The following ALK variants were observed in gnomAD, a reference collection of about 807,000 sequenced individuals.
ALK encodes the protein ALK receptor tyrosine kinase.
ALK carries 74 observed loss-of-function variants against 163.1 expected under a neutral mutation model. The observed-to-expected ratio is 0.45, with a 90% CI of 0.38 to 0.55. The LOEUF is 0.55. ALK is among the 20% of genes least tolerant of loss of function. The pLI is 0.00. For missense variants in ALK, 2,063 were observed against 2,105.3 expected (o/e 0.98, Z 0.39); for synonymous variants, 960 against 843.2 (o/e 1.14, Z -2.40).
intron 3 of ALK, among the ~76,000 whole-genome samples, chr2:29,569,999 C>G (rs566206046): frequency 6.6e-6 from 1 of 152,186 alleles, no homozygotes; most frequent in Non-Finnish European, 1.5e-5. Context: ...GAAATGACCC[C>G]AGGCCTGAAG....
chr2:29,600,362 C>A (rs535423840), intron 3 of ALK, among the ~76,000 whole-genome samples: 1 of 151,858 alleles, frequency 6.6e-6, no homozygotes, highest in South Asian at 2.1e-4. Flanking sequence ...AGATAAAGGA[C>A]GTAATAACAT....
chr2:29,348,812 C>T (rs1668026885), intron 5 of ALK, among the ~76,000 whole-genome samples: 1 of 152,202 alleles, frequency 6.6e-6, no homozygotes, highest in South Asian at 2.1e-4. Context: ...AGGACGGACT[C>T]CTAATTCAAT....
intron 1 of ALK, among the ~76,000 whole-genome samples, chr2:29,823,558 G>A (rs918435976): frequency 2.0e-5 from 3 of 152,212 alleles, no homozygotes; most frequent in East Asian, 1.9e-4. Flanking sequence ...AGATGGAGAT[G>A]AGGAACTTGT....
chr2:29,432,019 TC>T (rs1670284509), intron 4 of ALK, among the ~76,000 whole-genome samples: 1 of 151,860 alleles, frequency 6.6e-6, no homozygotes, highest in Non-Finnish European at 1.5e-5. Context: ...AGGGAGTGTA[TC>T]CTAGCACAGA....
chr2:29,251,061 G>A (rs369212318), intron 12 of ALK, 44 bp downstream of exon 12: 27 of 1,600,910 alleles, frequency 1.7e-5, no homozygotes, highest in Admixed American at 5.1e-5. Flanking sequence ...AGGCTTCTTC[G>A]GAAGGGGTGG....
At chr2:29,673,700 T>C (rs1677780145) in intron 3 of ALK, among the ~76,000 whole-genome samples, 2 of 150,692 alleles carry the variant, frequency 1.3e-5, no homozygotes, top group South Asian at 2.1e-4. Context: ...AGTAGTTTTT[T>C]CCAATTCTGT....
chr2:29,730,497 C>T (rs945781061), intron 1 of ALK, among the ~76,000 whole-genome samples: 1 of 152,126 alleles, frequency 6.6e-6, no homozygotes, highest in African/African-American at 2.4e-5. Flanking sequence ...AGAGTTCTAT[C>T]TCTGTGGCCA....
At chr2:29,843,372 G>A (rs1665750551) in intron 1 of ALK, among the ~76,000 whole-genome samples, 1 of 152,126 alleles carries the variant, frequency 6.6e-6, no homozygotes, top group South Asian at 2.1e-4. Context: ...TGGTGTGCGT[G>A]TGTGTCACAT....
chr2:29,453,050 A>C (rs1670861773), intron 4 of ALK, among the ~76,000 whole-genome samples: 1 of 152,218 alleles, frequency 6.6e-6, no homozygotes, highest in African/African-American at 2.4e-5. Flanking sequence ...TGAGTAGGAA[A>C]ACTGGCAACA....
chr2:29,210,129 C>T (rs1459254545), intron 24 of ALK, among the ~76,000 whole-genome samples: 1 of 152,188 alleles, frequency 6.6e-6, no homozygotes, highest in Non-Finnish European at 1.5e-5. Flanking sequence ...TAATGAAATG[C>T]ATCATACTAG....
At chr2:29,449,119 C>G (rs1365325156) in intron 4 of ALK, among the ~76,000 whole-genome samples, 1 of 152,156 alleles carries the variant, frequency 6.6e-6, no homozygotes, top group African/African-American at 2.4e-5. Flanking sequence ...CATGCCATAT[C>G]ATATGATTTA....
chr2:29,591,912 G>C (rs1675070048), intron 3 of ALK, among the ~76,000 whole-genome samples: 1 of 151,826 alleles, frequency 6.6e-6, no homozygotes, highest in South Asian at 2.1e-4. Flanking sequence ...TACTCTTTCT[G>C]TCGTCTTTCT....
chr2:29,706,868 G>A (rs1678924208), intron 2 of ALK, among the ~76,000 whole-genome samples: 1 of 152,162 alleles, frequency 6.6e-6, no homozygotes, highest in African/African-American at 2.4e-5. Context: ...ACTTGGCCAA[G>A]GTGGCATGGC....
At chr2:29,756,804 G>A (rs1041762461) in intron 1 of ALK, among the ~76,000 whole-genome samples, 11 of 152,186 alleles carry the variant, frequency 7.2e-5, no homozygotes, top group Admixed American at 7.2e-4. Context: ...TGGGATTACA[G>A]GCATGAGCCA....
intron 1 of ALK, among the ~76,000 whole-genome samples, chr2:29,881,538 G>T (rs1036568247): frequency 6.6e-6 from 1 of 152,140 alleles, no homozygotes; most frequent in Non-Finnish European, 1.5e-5. Context: ...CTTGTGGGGC[G>T]GGCCCTCCTG....
intron 5 of ALK, among the ~76,000 whole-genome samples, chr2:29,360,955 T>C (rs776094931): frequency 6.6e-6 from 1 of 152,186 alleles, no homozygotes; most frequent in Non-Finnish European, 1.5e-5. Context: ...TGAAACCACA[T>C]AAACTGCTAG....
chr2:29,396,719 C>T (rs1669313692), intron 4 of ALK, among the ~76,000 whole-genome samples: 1 of 151,852 alleles, frequency 6.6e-6, no homozygotes, highest in Admixed American at 6.6e-5. Flanking sequence ...CAAACATGAC[C>T]ACAGTTCTCC....
chr2:29,222,246 A>T (rs2148168196), intron 22 of ALK, 98 bp downstream of exon 22: 2 of 1,111,088 alleles, frequency 1.8e-6, no homozygotes, highest in South Asian at 2.6e-5. Context: ...GCTAGGGACA[A>T]CACGATTTCC....
chr2:29,258,370 C>G (rs1665004280), intron 11 of ALK, among the ~76,000 whole-genome samples: 1 of 152,148 alleles, frequency 6.6e-6, no homozygotes, highest in Non-Finnish European at 1.5e-5. Context: ...TGCTTAGAAC[C>G]ATTTATTTAT....
Sources: gnomAD v4.1 joint callset for allele counts (sites outside exome capture counted in the v4.1 genomes callset) on GRCh38, gnomAD v4.1.1 for gene constraint, MANE v1.5 for transcripts, NCBI Gene and HGNC (gene_info 2026-07-23, HGNC 2026-07-21) for gene names.